FOCAD: variants seen among roughly 807,000 people sequenced by gnomAD.
FOCAD encodes KIAA1797.
FOCAD carries 198 observed loss-of-function variants against 225.6 expected under a neutral mutation model. That is an observed-to-expected ratio of 0.88 (90% CI 0.78 to 0.99). FOCAD has a LOEUF of 0.99. Ranked by LOEUF, FOCAD falls within the 50% of genes least tolerant of loss-of-function variation. The probability of loss-of-function intolerance (pLI) is 0.00; values close to 1 mark genes in which losing one functional copy is unlikely to be tolerated. For synonymous variants in FOCAD, 897 were observed against 755.0 expected (o/e 1.19, Z -3.08); for missense variants, 2,713 against 2,123.6 (o/e 1.28, Z -5.46).
At chr9:20,689,491 C>T (rs1443782276) in intron 1 of FOCAD, among the ~76,000 whole-genome samples, 2 of 152,116 alleles carry the variant, frequency 1.3e-5, no homozygotes, top group Non-Finnish European at 2.9e-5. Flanking sequence ...AAACATTCTT[C>T]TGGGCCTTGG....
chr9:20,672,418 A>C (rs1822091360), intron 2 of FOCAD, among the ~76,000 whole-genome samples: 1 of 152,238 alleles, frequency 6.6e-6, no homozygotes, highest in African/African-American at 2.4e-5. Flanking sequence ...AAACAAATGA[A>C]ATCAATAAGT....
At chr9:20,828,225 TGATA>T (rs1326003174) in intron 15 of FOCAD, among the ~76,000 whole-genome samples, 1 of 151,932 alleles carries the variant, frequency 6.6e-6, no homozygotes, top group Non-Finnish European at 1.5e-5. Context: ...CTATGTAAGA[TGATA>T]GATATATTAG....
At chr9:20,987,754 C>A (rs1841316434) in intron 40 of FOCAD, among the ~76,000 whole-genome samples, 1 of 152,176 alleles carries the variant, frequency 6.6e-6, no homozygotes, top group Non-Finnish European at 1.5e-5. Context: ...AACCAGCCAG[C>A]TCTCAAATGC....
intron 11 of FOCAD, among the ~76,000 whole-genome samples, chr9:20,796,109 C>T (rs1282477641): frequency 6.6e-6 from 1 of 152,146 alleles, no homozygotes. Flanking sequence ...ATGATGGTTT[C>T]CAGCTTCATC....
intron 21 of FOCAD, among the ~76,000 whole-genome samples, chr9:20,904,826 C>G (rs1003036194): frequency 6.6e-6 from 1 of 151,896 alleles, no homozygotes; most frequent in Admixed American, 6.6e-5. Flanking sequence ...TCAAAGGCTT[C>G]TCACAAGTAT....
chr9:20,764,660 A>T (rs1458303471), intron 6 of FOCAD, among the ~76,000 whole-genome samples: 1 of 152,232 alleles, frequency 6.6e-6, no homozygotes, highest in African/African-American at 2.4e-5. Flanking sequence ...TACAGTCTCC[A>T]GGTGTTGAAT....
At chr9:20,670,364 G>T (rs1822024000) in intron 2 of FOCAD, among the ~76,000 whole-genome samples, 1 of 152,178 alleles carries the variant, frequency 6.6e-6, no homozygotes, top group Non-Finnish European at 1.5e-5. Context: ...CTGTTATAAA[G>T]ATACCACCTG....
intron 15 of FOCAD, among the ~76,000 whole-genome samples, chr9:20,824,040 G>T (rs938195135): frequency 7.9e-5 from 12 of 152,054 alleles, no homozygotes; most frequent in Non-Finnish European, 1.6e-4. Flanking sequence ...ACTCATTTCA[G>T]CAGGCAGTGA....
chr9:20,854,312 T>C (rs1486438637), intron 15 of FOCAD, among the ~76,000 whole-genome samples: 1 of 151,788 alleles, frequency 6.6e-6, no homozygotes, highest in African/African-American at 2.4e-5. Context: ...TTTTTTTCTG[T>C]TGGTTATAAC....
intron 7 of FOCAD, among the ~76,000 whole-genome samples, chr9:20,768,476 A>C (rs892730881): frequency 6.6e-6 from 1 of 151,568 alleles, no homozygotes; most frequent in African/African-American, 2.4e-5. Context: ...ATGTTCTTCC[A>C]TTTGTTTGTA....
chr9:20,716,531 G>A (rs1157852522), intron 2 of FOCAD, among the ~76,000 whole-genome samples: 1 of 152,028 alleles, frequency 6.6e-6, no homozygotes, highest in Non-Finnish European at 1.5e-5. Context: ...GTGGGGAATG[G>A]GGAATTAAGC....
intron 1 of FOCAD, among the ~76,000 whole-genome samples, chr9:20,689,627 A>C (rs942458059): frequency 6.6e-6 from 1 of 152,138 alleles, no homozygotes; most frequent in African/African-American, 2.4e-5. Context: ...AAGCTTATTG[A>C]CTATGGTGTC....
intron 27 of FOCAD, among the ~76,000 whole-genome samples, chr9:20,930,848 C>T (rs189853628): frequency 2.0e-5 from 3 of 152,292 alleles, no homozygotes; most frequent in Admixed American, 2.0e-4. Context: ...TTGACTGTTA[C>T]ATATCTTGTG....
intron 4 of FOCAD, 61 bp from the exon 5 acceptor site, chr9:20,740,175 G>A: frequency 9.4e-7 from 1 of 1,058,706 alleles, no homozygotes; most frequent in Non-Finnish European, 1.4e-6. Context: ...ATAGGATTAA[G>A]CACCTGATTA....
chr9:20,950,638 T>G (rs991104921), intron 33 of FOCAD, among the ~76,000 whole-genome samples: 1 of 152,180 alleles, frequency 6.6e-6, no homozygotes, highest in Non-Finnish European at 1.5e-5. Context: ...TTTAGAGGTA[T>G]TTTCATCTTA....
At position 20,916,920 on chromosome 9, in the gene FOCAD, C is replaced by G; in HGVS notation, c.2835C>G (p.Ile945Met). The part of the protein sequence containing the change: ...LWVRDMLTDE[I>M]TKAAAKESPV... ...TTAGAGACATGCTGACTGATGAGAT[C>G]ACCAAGGCAGCTGCAAAGTAAGATC... Residue 945 changes from isoleucine to methionine, a missense_variant, in exon 24 of 44, where the codon ATC (isoleucine) becomes ATG (methionine). Transcript: ENST00000338382. 2 of 1,604,374 alleles carry G rather than the reference C, an allele frequency of 1.2e-6. No individual in the cohort carries two copies. The highest frequency in any genetic ancestry group is 1.7e-6 in the Non-Finnish European group (2 of 1,176,592).
rs1344081749 is a variant in FOCAD at position 20,868,106 on chromosome 9, A to G, written c.2190+1094A>G. 2.0e-5 allele frequency among the ~76,000 whole-genome samples: 3 copies of G among 152,114 alleles called. 1 individual carries two copies. In the East Asian group the frequency reaches 5.8e-4, roughly 29 times the overall value. On this transcript the variant is annotated intron_variant, in intron 18 of 43. Coordinates refer to ENST00000338382, the MANE Select transcript of FOCAD (RefSeq NM_001375567.1). ...GTAAAGATGTGTTATGACTCATACA[A>G]TTAAAAAAGATGGGACTTCAGACTG...
At chr9:20,821,397 A>T (rs1301508702) in intron 14 of FOCAD, among the ~76,000 whole-genome samples, 6 of 152,068 alleles carry the variant, frequency 3.9e-5, no homozygotes. Flanking sequence ...TACACAGTAG[A>T]CTGTTGTCAT....
intron 1 of FOCAD, among the ~76,000 whole-genome samples, chr9:20,696,668 G>T (rs1031210021): frequency 6.6e-6 from 1 of 152,178 alleles, no homozygotes; most frequent in Non-Finnish European, 1.5e-5. Context: ...AGCTGGGCAT[G>T]GTGGCGCAAG....
Sources: allele counts gnomAD v4.1 joint callset (sites outside exome capture counted in the v4.1 genomes callset), GRCh38; gene constraint gnomAD v4.1.1; transcripts MANE v1.5; gene names NCBI Gene and HGNC (gene_info 2026-07-23, HGNC 2026-07-21).